Variants in DACH2 observed in about 807,000 individuals in gnomAD.
DACH2 encodes dachshund homolog 2.
A neutral mutation model predicts 35.8 loss-of-function variants in DACH2; 17 were observed. That is an observed-to-expected ratio of 0.48 (90% CI 0.33 to 0.71). The LOEUF (loss-of-function observed/expected upper bound fraction) is 0.71. Ranked by LOEUF, DACH2 falls within the 30% of genes least tolerant of loss-of-function variation. The pLI is 0.02. For missense variants in DACH2, 469 were observed against 472.7 expected (o/e 0.99, Z 0.07); for synonymous variants, 195 against 177.3 (o/e 1.10, Z -0.79).
At chrX:86,675,419 T>A (rs2040814620) in intron 4 of DACH2, among the ~76,000 whole-genome samples, 1 of 112,167 alleles carries the variant, frequency 8.9e-6, no homozygotes, top group Admixed American at 9.5e-5. Flanking sequence ...GTGCAGTGGC[T>A]CACACCTGTA....
intron 1 of DACH2, among the ~76,000 whole-genome samples, chrX:86,282,151 T>C (rs1421399505): frequency 1.4e-5 from 1 of 70,852 alleles, no homozygotes; most frequent in African/African-American, 6.5e-5. Flanking sequence ...AAAAATTTAC[T>C]TTAAATTTCG....
intron 3 of DACH2, among the ~76,000 whole-genome samples, chrX:86,583,780 T>A (rs1454898746): frequency 9.1e-6 from 1 of 110,172 alleles, no homozygotes; most frequent in Non-Finnish European, 1.9e-5. Flanking sequence ...AGTGTGTGTG[T>A]GAGTGTGTGT....
rs756072437 is a variant in DACH2, at chrX:86,366,278, T to C, written c.489-10546T>C. Among the ~76,000 whole-genome samples the C allele has an allele frequency of 2.7e-5, 3 of 110,989 alleles. No individual in the cohort carries two copies. In the South Asian group the frequency reaches 1.2e-3, roughly 43 times the overall value. On this transcript the variant is annotated intron_variant, in intron 1 of 11. Coordinates refer to ENST00000373125, the MANE Select transcript of DACH2 (RefSeq NM_053281.3). ...TAGATGAAAATGTACATATAGTTAA[T>C]GTCCATTTACTTTTATCTAAGGAGG...
chrX:86,430,516 G>A (rs772840758), intron 2 of DACH2, among the ~76,000 whole-genome samples: 5 of 112,145 alleles, frequency 4.5e-5, no homozygotes, highest in African/African-American at 6.5e-5. Flanking sequence ...GTCTTTCTAC[G>A]TGACAATGCG....
At chrX:86,432,035 A>G (rs974682783) in intron 2 of DACH2, among the ~76,000 whole-genome samples, 6 of 112,043 alleles carry the variant, frequency 5.4e-5, no homozygotes, top group African/African-American at 1.9e-4. Flanking sequence ...GAGGAAGTTT[A>G]AGGTCCAGAG....
chrX:86,656,164 G>C (rs1050764285), intron 4 of DACH2, among the ~76,000 whole-genome samples: 2 of 110,182 alleles, frequency 1.8e-5, no homozygotes, highest in African/African-American at 6.6e-5. Flanking sequence ...GATTCTCAGA[G>C]ACCTCAGGAC....
chrX:86,505,352 A>G (rs2038307787), intron 2 of DACH2, among the ~76,000 whole-genome samples: 1 of 112,089 alleles, frequency 8.9e-6, no homozygotes, highest in Non-Finnish European at 1.9e-5. Flanking sequence ...AGTGTTAACT[A>G]TATTCACATT....
chrX:86,698,514 GTTTTGTGTT>G (rs2041094455), intron 5 of DACH2, among the ~76,000 whole-genome samples: 1 of 34,343 alleles, frequency 2.9e-5, no homozygotes, highest in Admixed American at 5.7e-4. Flanking sequence ...TGTTTTGTTA[GTTTTGTGTT>G]TTTTTTTTTT....
intron 7 of DACH2, among the ~76,000 whole-genome samples, chrX:86,776,652 T>A (rs183601825): frequency 5.8e-4 from 64 of 111,247 alleles, no homozygotes; most frequent in African/African-American, 2.0e-3. Flanking sequence ...GTTTGTTACA[T>A]ATGTATACAT....
At chrX:86,823,803 T>G (rs2042536777) in intron 11 of DACH2, among the ~76,000 whole-genome samples, 1 of 110,969 alleles carries the variant, frequency 9.0e-6, no homozygotes, top group Admixed American at 9.7e-5. Context: ...CAGCAAGTTT[T>G]ATTAAGGATT....
intron 2 of DACH2, among the ~76,000 whole-genome samples, chrX:86,505,998 C>T (rs1227721346): frequency 9.0e-6 from 1 of 111,656 alleles, no homozygotes; most frequent in Non-Finnish European, 1.9e-5. Flanking sequence ...CTCAATATGG[C>T]CAAACTAGTA....
chrX:86,466,252 G>C (rs906469441), intron 2 of DACH2, among the ~76,000 whole-genome samples: 3 of 111,238 alleles, frequency 2.7e-5, no homozygotes, highest in African/African-American at 9.8e-5. Flanking sequence ...GAACAGTATG[G>C]GGTAAACAGC....
intron 3 of DACH2, among the ~76,000 whole-genome samples, chrX:86,581,697 T>A (rs1187829500): frequency 9.0e-6 from 1 of 111,720 alleles, no homozygotes; most frequent in African/African-American, 3.3e-5. Context: ...CTATCCTAAA[T>A]ATAGATACAC....
At chrX:86,592,742 T>A (rs780277774) in intron 3 of DACH2, among the ~76,000 whole-genome samples, 1 of 112,081 alleles carries the variant, frequency 8.9e-6, no homozygotes, top group Non-Finnish European at 1.9e-5. Context: ...TTATAAATAC[T>A]TTGTTAGATT....
chrX:86,224,419 T>C (rs1188501058), intron 1 of DACH2, among the ~76,000 whole-genome samples: 1 of 111,643 alleles, frequency 9.0e-6, no homozygotes, highest in Non-Finnish European at 1.9e-5. Context: ...GTGCATATTG[T>C]CCCTTATTAA....
At chrX:86,664,466 T>G (rs1213495714) in intron 4 of DACH2, among the ~76,000 whole-genome samples, 2 of 111,536 alleles carry the variant, frequency 1.8e-5, no homozygotes, top group African/African-American at 6.5e-5. Context: ...CTACCTCTTT[T>G]TCCAACTATA....
At chrX:86,317,714 T>C (rs2034939535) in intron 1 of DACH2, among the ~76,000 whole-genome samples, 1 of 111,924 alleles carries the variant, frequency 8.9e-6, no homozygotes, top group Non-Finnish European at 1.9e-5. Flanking sequence ...GGAACTCTGT[T>C]TCACAAGGAA....
chrX:86,418,145 C>T (rs972602271), intron 2 of DACH2, among the ~76,000 whole-genome samples: 21 of 112,367 alleles, frequency 1.9e-4, no homozygotes, highest in African/African-American at 6.8e-4. Context: ...TGTGGCTTTG[C>T]AGGGTACAGC....
intron 1 of DACH2, among the ~76,000 whole-genome samples, chrX:86,318,193 C>T (rs2034949697): frequency 1.8e-5 from 2 of 111,798 alleles, no homozygotes; most frequent in Admixed American, 9.5e-5. Flanking sequence ...TTGTTAAAGG[C>T]TGTAGTTAGC....
Sources: gnomAD v4.1 joint callset for allele counts (sites outside exome capture counted in the v4.1 genomes callset) on GRCh38, gnomAD v4.1.1 for gene constraint, MANE v1.5 for transcripts, NCBI Gene and HGNC (gene_info 2026-07-23, HGNC 2026-07-21) for gene names.